The following KCNMB2 variants were observed in gnomAD, a reference collection of about 807,000 sequenced individuals.
KCNMB2 encodes the protein calcium-activated potassium channel subunit beta-2.
In KCNMB2, 9 loss-of-function variants were observed where a neutral mutation model predicts 24.5. The observed-to-expected ratio is 0.37, with a 90% CI of 0.22 to 0.64. The LOEUF (loss-of-function observed/expected upper bound fraction) is 0.64. KCNMB2 is among the 30% of genes least tolerant of loss of function. The probability of loss-of-function intolerance (pLI) is 0.63; values close to 1 mark genes in which losing one functional copy is unlikely to be tolerated. For missense variants in KCNMB2, 226 were observed against 284.3 expected (o/e 0.79, Z 1.47); for synonymous variants, 109 against 104.4 (o/e 1.04, Z -0.27).
At chr3:178,607,204 C>T (rs551902067) in intron 1 of KCNMB2, among the ~76,000 whole-genome samples, 2 of 152,146 alleles carry the variant, frequency 1.3e-5, no homozygotes, top group Non-Finnish European at 2.9e-5. Flanking sequence ...AATGGTGATT[C>T]GGGTGTAAAA....
In KCNMB2 at chr3:178,793,322, G is replaced by A. The variant is rs374761927; in HGVS notation, c.-67-14021G>A. Reference sequence around the variant, plus strand: ...CATAAATGAATATCAAGTCAGGGAAGCAGAATGATGCCCAAGGGTGGATGT... The same window carrying A: ...CATAAATGAATATCAAGTCAGGGAAACAGAATGATGCCCAAGGGTGGATGT... On this transcript the variant is annotated intron_variant, in intron 1 of 4. Coordinates refer to ENST00000452583, the MANE Select transcript of KCNMB2 (RefSeq NM_181361.3). Among the ~76,000 whole-genome samples, 56 of 152,314 alleles carry A rather than the reference G, an allele frequency of 3.7e-4. 1 individual carries two copies. The South Asian group carries it at 0.01, about 28-fold the overall frequency.
rs574029141 is a variant in KCNMB2, at chr3:178,782,070, T to G, written c.-67-25273T>G. Among the ~76,000 whole-genome samples the G allele has an allele frequency of 2.3e-4, 27 of 118,876 alleles. 2 individuals carry two copies. In the South Asian group the frequency reaches 7.5e-3, roughly 33 times the overall value. The allele number at this position is 118,876 out of a possible 152,430, so 78.0% of individuals were successfully genotyped here. A position where few individuals can be genotyped will look rare whatever the true frequency, so the allele number is the denominator to read the frequency against. ...GTTTTTTGTTCTTGCGATAGTTTAC[T>G]GAGAATGATGATTTCCAATTTCATC... is the stretch of plus-strand genomic sequence containing the variant. On this transcript the variant is annotated intron_variant, in intron 1 of 4. Coordinates refer to ENST00000452583, the MANE Select transcript of KCNMB2 (RefSeq NM_181361.3).
chr3:178,600,737 G>C (rs1577039610), intron 1 of KCNMB2, among the ~76,000 whole-genome samples: 1 of 152,110 alleles, frequency 6.6e-6, no homozygotes, highest in African/African-American at 2.4e-5. Context: ...GTCTTTGCTA[G>C]TGTGAATAGT....
chr3:178,668,984 A>T (rs1226376252), intron 1 of KCNMB2, among the ~76,000 whole-genome samples: 1 of 152,198 alleles, frequency 6.6e-6, no homozygotes, highest in Non-Finnish European at 1.5e-5. Context: ...TCATAAAAAG[A>T]TATTTACATA....
chr3:178,691,294 T>TG (rs201786472), intron 1 of KCNMB2, among the ~76,000 whole-genome samples: 3 of 58,226 alleles, frequency 5.2e-5, no homozygotes, highest in Non-Finnish European at 1.0e-4. Context: ...CATGTGCAGG[T>TG]TTTTTTTTTT....
chr3:178,744,688 C>T (rs1723603861), intron 1 of KCNMB2, among the ~76,000 whole-genome samples: 1 of 150,740 alleles, frequency 6.6e-6, no homozygotes, highest in Admixed American at 6.6e-5. Flanking sequence ...AAACTTCCTG[C>T]AAGGACACAT....
rs1267510601 is a variant in KCNMB2 at position 178,757,660 on chromosome 3, A to T, written c.-67-49683A>T. On this transcript the variant is annotated intron_variant, in intron 1 of 4. Transcript: ENST00000452583. ...TATATATATCCAAGAGGATATATAT[A>T]TATGTATATATATCCAAGAGGATAT... Among the ~76,000 whole-genome samples, 2 of 46,776 alleles carry T rather than the reference A, an allele frequency of 4.3e-5. 1 individual carries two copies. 30.7% of individuals were successfully genotyped at this position (46,776 alleles called of 152,430 possible).
intron 1 of KCNMB2, among the ~76,000 whole-genome samples, chr3:178,685,281 T>C (rs1721425454): frequency 1.3e-5 from 2 of 152,346 alleles, no homozygotes; most frequent in South Asian, 4.1e-4. Flanking sequence ...CCAGTAGCTA[T>C]CAGTATTTTA....
chr3:178,614,285 A>ATGTATGTATG (rs1333045490), intron 1 of KCNMB2, among the ~76,000 whole-genome samples: 2 of 103,264 alleles, frequency 1.9e-5, no homozygotes, highest in Admixed American at 1.1e-4. Context: ...ATATATATAT[A>ATGTATGTATG]TATATATATA....
chr3:178,646,015 C>T (rs1225872192), intron 1 of KCNMB2, among the ~76,000 whole-genome samples: 2 of 152,034 alleles, frequency 1.3e-5, no homozygotes, highest in South Asian at 2.1e-4. Flanking sequence ...GGCAGACCCT[C>T]GCGTCTCACA....
At chr3:178,665,220 C>T (rs1003637520) in intron 1 of KCNMB2, among the ~76,000 whole-genome samples, 2 of 152,084 alleles carry the variant, frequency 1.3e-5, no homozygotes, top group African/African-American at 4.8e-5. Flanking sequence ...TTCTCATAGA[C>T]AGGATTCATT....
intron 1 of KCNMB2, among the ~76,000 whole-genome samples, chr3:178,756,433 C>T (rs1183226694): frequency 6.6e-6 from 1 of 151,946 alleles, no homozygotes; most frequent in African/African-American, 2.4e-5. Context: ...AAAACAAAAC[C>T]TTGTTTTATG....
chr3:178,627,604 T>C (rs1560137766), intron 1 of KCNMB2, among the ~76,000 whole-genome samples: 1 of 152,218 alleles, frequency 6.6e-6, no homozygotes, highest in Non-Finnish European at 1.5e-5. Flanking sequence ...CTCAACTTTG[T>C]CCCTGGAAAA....
intron 1 of KCNMB2, among the ~76,000 whole-genome samples, chr3:178,726,224 C>T (rs1389742619): frequency 6.6e-6 from 1 of 151,866 alleles, no homozygotes; most frequent in Non-Finnish European, 1.5e-5. Context: ...TTATCTTCCC[C>T]CTTTATCTTA....
chr3:178,759,573 G>A (rs530642113), intron 1 of KCNMB2, among the ~76,000 whole-genome samples: 4 of 118,894 alleles, frequency 3.4e-5, no homozygotes, highest in Non-Finnish European at 5.1e-5. Context: ...CTCTCTCCAC[G>A]AGGATATATA....
intron 1 of KCNMB2, among the ~76,000 whole-genome samples, chr3:178,754,150 G>GTGTA (rs1553773711): frequency 4.7e-5 from 5 of 106,276 alleles, no homozygotes; most frequent in East Asian, 5.0e-4. Context: ...ATATTCCATT[G>GTGTA]TATATATATA....
chr3:178,667,207 C>G (rs1367106682), intron 1 of KCNMB2, among the ~76,000 whole-genome samples: 1 of 151,814 alleles, frequency 6.6e-6, no homozygotes, highest in African/African-American at 2.4e-5. Context: ...TGATTGGTAT[C>G]CTTATAAAAA....
chr3:178,588,880 T>C (rs1174787901), intron 1 of KCNMB2, among the ~76,000 whole-genome samples: 2 of 152,066 alleles, frequency 1.3e-5, no homozygotes, highest in Non-Finnish European at 2.9e-5. Flanking sequence ...AAGTAATTTA[T>C]GAGATAATGG....
intron 1 of KCNMB2, among the ~76,000 whole-genome samples, chr3:178,718,225 C>T (rs1266419631): frequency 6.6e-6 from 1 of 152,176 alleles, no homozygotes; most frequent in Non-Finnish European, 1.5e-5. Context: ...GGGATACAAG[C>T]GTCTTGCAGC....
Sources: allele counts gnomAD v4.1 joint callset (sites outside exome capture counted in the v4.1 genomes callset), GRCh38; gene constraint gnomAD v4.1.1; transcripts MANE v1.5; gene names NCBI Gene and HGNC (gene_info 2026-07-23, HGNC 2026-07-21).